The following ARPC2 variants were observed in gnomAD, a reference collection of about 807,000 sequenced individuals.
ARPC2 encodes actin-related protein 2/3 complex subunit 2.
ARPC2 carries 4 observed loss-of-function variants against 38.6 expected under a neutral mutation model. The observed-to-expected ratio is 0.10, with a 90% CI of 0.05 to 0.24. The LOEUF (loss-of-function observed/expected upper bound fraction) is 0.24, where lower values mean the gene tolerates loss of function less well. Ranked by LOEUF, ARPC2 falls within the 10% of genes least tolerant of loss-of-function variation. ARPC2 has a pLI of 1.00. For missense variants in ARPC2, 229 were observed against 387.3 expected, an observed-to-expected ratio of 0.59 and a Z score of 3.43; for synonymous variants, 125 against 140.8, an observed-to-expected ratio of 0.89 and a Z score of 0.79.
At chr2:218,221,765 C>T (rs1689388222) in intron 2 of ARPC2, among the ~76,000 whole-genome samples, 1 of 152,212 alleles carries the variant, frequency 6.6e-6, no homozygotes, top group East Asian at 1.9e-4. Flanking sequence ...CTCTGTTCTC[C>T]ATATTTTGAT....
intron 8 of ARPC2, 91 bp downstream of exon 8, chr2:218,245,637 T>C: frequency 6.5e-7 from 1 of 1,541,714 alleles, no homozygotes; most frequent in South Asian, 1.2e-5. Flanking sequence ...GTTAACATTT[T>C]AAGGTAGGCA....
chr2:218,227,694 G>A (rs1338661752), intron 3 of ARPC2, among the ~76,000 whole-genome samples: 3 of 151,928 alleles, frequency 2.0e-5, no homozygotes, highest in African/African-American at 4.8e-5. Flanking sequence ...GGGTTCAAGC[G>A]ATTCTCCTGT....
chr2:218,246,874 C>G (rs536936658), intron 8 of ARPC2, among the ~76,000 whole-genome samples: 148 of 152,192 alleles, frequency 9.7e-4, no homozygotes, highest in Non-Finnish European at 1.5e-3. Flanking sequence ...GCTACTCGGG[C>G]AAGCGAGGCA....
At chr2:218,239,597 T>A in intron 7 of ARPC2, 113 bp downstream of exon 7, 1 of 808,198 alleles carries the variant, frequency 1.2e-6, no homozygotes, top group South Asian at 1.9e-5. Context: ...GTTAGAATTT[T>A]TTTTTTTTTT....
chr2:218,248,877 G>A (rs1690112496), intron 8 of ARPC2, among the ~76,000 whole-genome samples: 1 of 152,160 alleles, frequency 6.6e-6, no homozygotes, highest in African/African-American at 2.4e-5. Flanking sequence ...CTTATTGTCT[G>A]TTTTCACAGT....
chr2:218,232,382 A>G (rs1194259043), intron 4 of ARPC2, among the ~76,000 whole-genome samples: 2 of 152,208 alleles, frequency 1.3e-5, no homozygotes, highest in African/African-American at 4.8e-5. Flanking sequence ...TTGCTATAAC[A>G]GAATACCACA....
At chr2:218,247,902 G>A (rs916839416) in intron 8 of ARPC2, among the ~76,000 whole-genome samples, 8 of 150,836 alleles carry the variant, frequency 5.3e-5, no homozygotes, top group Non-Finnish European at 8.8e-5. Context: ...AAGATCACGC[G>A]ACTGCACTCC....
chr2:218,233,557 A>G (rs369675253), intron 4 of ARPC2: 6 of 151,708 alleles, frequency 4.0e-5, no homozygotes, highest in African/African-American at 1.5e-4. Flanking sequence ...ACCAGTATTA[A>G]TAGCTAGCTA....
intron 2 of ARPC2, among the ~76,000 whole-genome samples, chr2:218,223,212 A>G (rs1011629892): frequency 2.0e-5 from 3 of 152,218 alleles, no homozygotes; most frequent in Non-Finnish European, 2.9e-5. Flanking sequence ...TAAATTGTGC[A>G]CCATTCTGAG....
At chr2:218,243,405 G>A (rs1325443636) in intron 7 of ARPC2, among the ~76,000 whole-genome samples, 2 of 152,188 alleles carry the variant, frequency 1.3e-5, no homozygotes, top group African/African-American at 4.8e-5. Context: ...GAAGATGGAG[G>A]GCTGTTTGGG....
chr2:218,234,305 G>A (rs768816988), intron 4 of ARPC2, 47 bp from the exon 5 acceptor site: 28 of 1,409,744 alleles, frequency 2.0e-5, no homozygotes, highest in Admixed American at 3.9e-5. Context: ...AAATTATCAT[G>A]GCCTTTGGAT....
At chr2:218,247,952 T>TA (rs10716505) in intron 8 of ARPC2, among the ~76,000 whole-genome samples, 12 of 145,726 alleles carry the variant, frequency 8.2e-5, no homozygotes, top group African/African-American at 3.0e-4. Flanking sequence ...CAAAAAAAAT[T>TA]AAAAAAAAAA....
chr2:218,226,721 A>G (rs776103158), intron 3 of ARPC2, among the ~76,000 whole-genome samples: 23 of 149,502 alleles, frequency 1.5e-4, no homozygotes, highest in South Asian at 1.5e-3. Context: ...CATTTCATGT[A>G]TTTAATCCAC....
Position 218,253,969 on chromosome 2 carries a change from A to G in ARPC2, c.*54A>G. 1 of 1,608,170 alleles carries G rather than the reference A, an allele frequency of 6.2e-7. No individual in the cohort carries two copies. Among genetic ancestry groups the G allele is most frequent in the African/African-American group, 1.3e-5 (1 of 74,894 alleles). On this transcript the variant is annotated 3_prime_UTR_variant, in exon 11 of 11. Coordinates refer to ENST00000315717, the MANE Select transcript of ARPC2 (RefSeq NM_152862.3). Reference sequence around the variant, plus strand: ...GCAACTGAAGGCTGGAACACTTGCTACTGGATAATCGTAGCTTTTAATGTT... The same window carrying G: ...GCAACTGAAGGCTGGAACACTTGCTGCTGGATAATCGTAGCTTTTAATGTT...
intron 2 of ARPC2, among the ~76,000 whole-genome samples, chr2:218,223,093 C>G (rs745720241): frequency 6.6e-6 from 1 of 152,146 alleles, no homozygotes; most frequent in Non-Finnish European, 1.5e-5. Flanking sequence ...AGTAGTCCCC[C>G]CTTATCTGTG....
chr2:218,244,291 T>C (rs576961480), intron 7 of ARPC2, among the ~76,000 whole-genome samples: 34 of 152,352 alleles, frequency 2.2e-4, no homozygotes, highest in African/African-American at 7.2e-4. Flanking sequence ...AGGCTGGGCA[T>C]TGGGGCTCCT....
intron 5 of ARPC2, among the ~76,000 whole-genome samples, chr2:218,237,673 TCTC>T (rs1443266741): frequency 6.6e-6 from 1 of 151,924 alleles, no homozygotes; most frequent in African/African-American, 2.4e-5. Flanking sequence ...TTCAAGCAAT[TCTC>T]CTGCCTCAGC....
chr2:218,227,008 A>G (rs573373153), intron 3 of ARPC2: 3 of 456,702 alleles, frequency 6.6e-6, no homozygotes, highest in South Asian at 1.5e-5. Flanking sequence ...GAATGAACTC[A>G]GAGGAATACA....
intron 7 of ARPC2, among the ~76,000 whole-genome samples, chr2:218,242,826 T>C (rs1689945943): frequency 6.6e-6 from 1 of 152,240 alleles, no homozygotes; most frequent in Non-Finnish European, 1.5e-5. Flanking sequence ...TGTAGGGTCA[T>C]TGAGCTTCTC....
Sources: gnomAD v4.1 joint callset for allele counts (sites outside exome capture counted in the v4.1 genomes callset) on GRCh38, gnomAD v4.1.1 for gene constraint, MANE v1.5 for transcripts, NCBI Gene and HGNC (gene_info 2026-07-23, HGNC 2026-07-21) for gene names.